NIPAL3: variants seen among roughly 807,000 people sequenced by gnomAD.
NIPAL3 encodes the protein NIPA like domain containing 3.
Under a neutral mutation model 47.2 loss-of-function variants are expected in NIPAL3, and 41 were observed. The observed-to-expected ratio is 0.87, with a 90% CI of 0.68 to 1.13. The LOEUF (loss-of-function observed/expected upper bound fraction) is 1.13. Among genes scored for constraint, NIPAL3 ranks in the 50% most tolerant of loss-of-function variants. NIPAL3 has a pLI of 0.00. For synonymous variants in NIPAL3, 194 were observed against 209.6 expected, an observed-to-expected ratio of 0.93 and a Z score of 0.64; for missense variants, 449 against 530.1, an observed-to-expected ratio of 0.85 and a Z score of 1.50.
At chr1:24,446,292 G>T (rs145036006) in intron 5 of NIPAL3, among the ~76,000 whole-genome samples, 1 of 152,150 alleles carries the variant, frequency 6.6e-6, no homozygotes, top group African/African-American at 2.4e-5. Flanking sequence ...AATTTCAGGG[G>T]TACATGTGCA....
chr1:24,470,458 A>T lies in NIPAL3; in HGVS notation c.*1273A>T, dbSNP rs1033103981. On this transcript the variant is annotated 3_prime_UTR_variant, in exon 12 of 12. Transcript: ENST00000374399. ...TGGTACCACCAGTGATTCTGATGCG[A>T]TGCTTCAATCCCGAGATTTCACATC... The T allele has an allele frequency of 2.0e-5, 3 of 152,204 alleles. No homozygotes were observed. Among genetic ancestry groups the T allele is most frequent in the African/African-American group, 7.2e-5 (3 of 41,444 alleles). 9.4% of individuals were successfully genotyped at this position (152,204 alleles called of 1,614,324 possible).
chr1:24,454,181 T>C lies in NIPAL3; in HGVS notation c.637+677T>C. ...TGCCAGGATTACAGGCATGAGGCCC[T>C]GTACCTGGCTAGAACTGCATATAAT... On this transcript the variant is annotated intron_variant, in intron 7 of 11. Transcript: ENST00000374399. The surrounding 1 kb of genome is among the most constrained non-coding windows in gnomAD (Gnocchi z 4.1). 8.2e-7 allele frequency: 1 copy of C among 1,221,498 alleles called. No individual in the cohort carries two copies. The highest frequency in any genetic ancestry group is 1.0e-6 in the Non-Finnish European group (1 of 962,752). 75.7% of individuals were successfully genotyped at this position (1,221,498 alleles called of 1,614,324 possible). A position where few individuals can be genotyped will look rare whatever the true frequency, so the allele number is the denominator to read the frequency against.
In NIPAL3 at chr1:24,426,278, A is replaced by T. The variant is rs1389608816; in HGVS notation, c.93+6638A>T. ...GTGTATGTTAATAGAGCCCCCTTTC[A>T]TTCTCAAGAGTCTTCCTTTTTTTTT... On this transcript the variant is annotated intron_variant, in intron 2 of 11. Coordinates refer to ENST00000374399, the MANE Select transcript of NIPAL3 (RefSeq NM_020448.5). Among the ~76,000 whole-genome samples the T allele has an allele frequency of 2.5e-4, 37 of 147,762 alleles. 4 individuals are homozygous for T. The highest frequency in any genetic ancestry group is 1.8e-3 in the Admixed American group (26 of 14,732).
chr1:24,456,106 G>T, intron 7 of NIPAL3, 32 bp from the exon 8 acceptor site: 1 of 1,613,254 alleles, frequency 6.2e-7, no homozygotes, highest in Non-Finnish European at 8.5e-7. Flanking sequence ...TTTCCCTGAG[G>T]CTCCCCATTC....
At chr1:24,419,672 A>T (rs775179228) in intron 2 of NIPAL3, 32 bp downstream of exon 2, 1 of 1,595,084 alleles carries the variant, frequency 6.3e-7, no homozygotes. Context: ...GGGAATTTGT[A>T]TTTTCCTAGC....
chr1:24,446,601 T>C (rs9970538), intron 5 of NIPAL3, among the ~76,000 whole-genome samples: 39,256 of 152,168 alleles, frequency 0.26, 5,483 homozygotes, highest in East Asian at 0.48. Context: ...GCAAAGGATA[T>C]GATATCATTT....
intron 8 of NIPAL3, 152 bp from the exon 9 acceptor site, chr1:24,458,736 A>G: frequency 1.6e-6 from 1 of 621,808 alleles, no homozygotes; most frequent in Non-Finnish European, 3.0e-6. Flanking sequence ...GGGATACACA[A>G]TGTCCTGTAA....
chr1:24,450,358 A>C (rs868026039), intron 6 of NIPAL3, among the ~76,000 whole-genome samples: 1 of 152,226 alleles, frequency 6.6e-6, no homozygotes, highest in Non-Finnish European at 1.5e-5. Flanking sequence ...TTAAAACTGT[A>C]AACCATTTAA....
chr1:24,456,051 G>A, intron 7 of NIPAL3, 87 bp from the exon 8 acceptor site: 1 of 1,489,978 alleles, frequency 6.7e-7, no homozygotes. Flanking sequence ...GTCTCCCCAA[G>A]TCCTTTGGGG....
chr1:24,453,569 T>C, intron 7 of NIPAL3, 65 bp downstream of exon 7: 1 of 1,330,390 alleles, frequency 7.5e-7, no homozygotes. Context: ...AAATGTGGGT[T>C]TTGTTTGCAG....
chr1:24,460,515 C>A lies in NIPAL3; in HGVS notation c.897C>A (p.Asp299Glu), dbSNP rs760721329. The change falls in exon 10 of 12, where the codon GAC (aspartate) becomes GAA (glutamate). Residue 299 changes from aspartate (D) to glutamate (E), a missense_variant. Transcript: ENST00000374399. The part of the protein sequence containing the change: ...AIFYLDFIGE[D>E]VLHICMFALG... ...TTTACCTGGACTTCATCGGGGAGGA[C>A]GTGCTGCACATCTGCATGTTTGCAC... The A allele has an allele frequency of 6.3e-7, 1 of 1,584,568 alleles. No homozygotes were observed. The highest frequency in any genetic ancestry group is 2.4e-5 in the East Asian group (1 of 41,978).
At chr1:24,467,637 A>G (rs1646754101) in intron 11 of NIPAL3, among the ~76,000 whole-genome samples, 1 of 152,226 alleles carries the variant, frequency 6.6e-6, no homozygotes, top group South Asian at 2.1e-4. Context: ...CAAATGAGAT[A>G]GAACTTTATA....
In NIPAL3 at chr1:24,440,256, C is replaced by T. The variant is rs1318253301; in HGVS notation, c.162+16C>T. ...TAACCTCCAGGTAAGTTTCAGTTAC[C>T]AGCACTGTCTGGGGACAGAGACACA... On this transcript the variant is annotated intron_variant, in intron 3 of 11. Coordinates refer to ENST00000374399, the MANE Select transcript of NIPAL3 (RefSeq NM_020448.5). The T allele has an allele frequency of 1.3e-6, 2 of 1,569,270 alleles. No individual in the cohort carries two copies. The highest frequency in any genetic ancestry group is 1.2e-5 in the South Asian group (1 of 84,504).
At chr1:24,462,636 T>C (rs916272247) in intron 10 of NIPAL3, among the ~76,000 whole-genome samples, 1 of 151,344 alleles carries the variant, frequency 6.6e-6, no homozygotes, top group Non-Finnish European at 1.5e-5. Context: ...GCGTGGTGGC[T>C]TGCACCTGTA....
At chr1:24,439,179 G>A (rs532573034) in intron 2 of NIPAL3, among the ~76,000 whole-genome samples, 67 of 152,008 alleles carry the variant, frequency 4.4e-4, no homozygotes, top group African/African-American at 1.5e-3. Context: ...CATTTACCCC[G>A]ACTCTAAAAT....
intron 2 of NIPAL3, among the ~76,000 whole-genome samples, chr1:24,439,249 C>T (rs115026711): frequency 0.012 from 1,798 of 152,050 alleles, 9 homozygotes; most frequent in Non-Finnish European, 0.018. Flanking sequence ...AATAGCAAAG[C>T]AATGATATAA....
intron 2 of NIPAL3, among the ~76,000 whole-genome samples, chr1:24,433,498 C>T (rs1274831871): frequency 6.6e-6 from 1 of 152,202 alleles, no homozygotes; most frequent in East Asian, 1.9e-4. Flanking sequence ...ATAGTCCTTC[C>T]ATACTGCCTT....
chr1:24,414,906 C>T (rs1327299873), upstream of NIPAL3: 2 of 152,246 alleles, frequency 1.3e-5, no homozygotes, highest in Non-Finnish European at 2.9e-5. Context: ...AGAAAAATCT[C>T]TCACCAGCCC....
intron 11 of NIPAL3, chr1:24,466,413 T>C (rs1385648353): frequency 5.7e-6 from 1 of 176,250 alleles, no homozygotes; most frequent in African/African-American, 2.4e-5. Flanking sequence ...ACACCAAACA[T>C]CCCTCTGACC....
Sources: allele counts gnomAD v4.1 joint callset (sites outside exome capture counted in the v4.1 genomes callset), GRCh38; gene constraint gnomAD v4.1.1; non-coding constraint Gnocchi (gnomAD v3.1); transcripts MANE v1.5; gene names NCBI Gene and HGNC (gene_info 2026-07-23, HGNC 2026-07-21).